SEMA3F: variants seen among roughly 807,000 people sequenced by gnomAD.
SEMA3F encodes semaphorin 3F.
SEMA3F carries 30 observed loss-of-function variants against 98.5 expected under a neutral mutation model. That is an observed-to-expected ratio of 0.30 (90% CI 0.23 to 0.41). The LOEUF (loss-of-function observed/expected upper bound fraction) is 0.41, where lower values mean the gene tolerates loss of function less well. Among genes scored for constraint, SEMA3F ranks in the 10% least tolerant of loss-of-function variants. SEMA3F has a pLI of 1.00. For synonymous variants in SEMA3F, 380 were observed against 444.8 expected (o/e 0.85, Z 1.83); for missense variants, 866 against 1,119.3 (o/e 0.77, Z 3.23).
rs534757077 is a variant in SEMA3F, at chr3:50,161,266, C to T, written c.112+1532C>T. ...AGGGGCAAAACAGAGAGGGGTCTTCCGTGTGCTCCTTCTAAGCCTCCCTGG... is the reference window on the plus strand; with the variant it reads ...AGGGGCAAAACAGAGAGGGGTCTTCTGTGTGCTCCTTCTAAGCCTCCCTGG... On this transcript the variant is annotated intron_variant, in intron 2 of 18. Coordinates refer to ENST00000002829, the MANE Select transcript of SEMA3F (RefSeq NM_004186.5). Among the ~76,000 whole-genome samples, 36 of 152,244 alleles carry T rather than the reference C, an allele frequency of 2.4e-4. No homozygotes were observed. In the South Asian group the frequency reaches 5.6e-3, roughly 24 times the overall value.
intron 1 of SEMA3F, among the ~76,000 whole-genome samples, chr3:50,157,189 C>T (rs1253220983): frequency 2.0e-5 from 3 of 151,982 alleles, no homozygotes; most frequent in Non-Finnish European, 4.4e-5. Context: ...CCTGGGCGGT[C>T]TGGATCCGGC....
At chr3:50,185,192 A>T (rs1345000713) in intron 13 of SEMA3F, among the ~76,000 whole-genome samples, 1 of 152,174 alleles carries the variant, frequency 6.6e-6, no homozygotes, top group Non-Finnish European at 1.5e-5. Context: ...ACACAGGAGA[A>T]TGCATGCCCC....
chr3:50,185,121 A>G (rs926062891), intron 13 of SEMA3F, among the ~76,000 whole-genome samples: 3 of 152,140 alleles, frequency 2.0e-5, no homozygotes, highest in African/African-American at 7.2e-5. Flanking sequence ...CAGAGGCCAT[A>G]CACATGCTCG....
intron 2 of SEMA3F, 56 bp downstream of exon 2, chr3:50,159,790 G>A (rs1180772293): frequency 1.5e-5 from 18 of 1,173,586 alleles, no homozygotes; most frequent in Admixed American, 1.2e-4. Context: ...AATAGCGCTC[G>A]GCTCCTCTGC....
At chr3:50,171,214 C>T (rs1191207508) in intron 2 of SEMA3F, among the ~76,000 whole-genome samples, 1 of 152,190 alleles carries the variant, frequency 6.6e-6, no homozygotes, top group African/African-American at 2.4e-5. Context: ...ATCCTCTGCC[C>T]CTAAGCTGGG....
At position 50,182,479 on chromosome 3, in the gene SEMA3F, G is replaced by T. The variant is rs886674585; in HGVS notation, c.763+76G>T. On this transcript the variant is annotated intron_variant, in intron 8 of 18. Transcript: ENST00000002829. The surrounding 1 kb of genome is among the most constrained non-coding windows in gnomAD (Gnocchi z 4.5). ...AAGGAGGTCGTAAAGAAGCACATGT[G>T]GGGGAAGTGGGGACATGTTTAGCCT... The T allele has an allele frequency of 3.0e-5, 48 of 1,597,782 alleles. No individual in the cohort carries two copies. The highest frequency in any genetic ancestry group is 4.0e-5 in the Non-Finnish European group (47 of 1,171,718).
At chr3:50,185,621 G>T (rs746531162) in intron 14 of SEMA3F, 45 bp from the exon 15 acceptor site, 2 of 1,613,868 alleles carry the variant, frequency 1.2e-6, no homozygotes, top group African/African-American at 2.7e-5. Flanking sequence ...GTCAGGGCAG[G>T]GAGGGGGTCC....
intron 12 of SEMA3F, among the ~76,000 whole-genome samples, chr3:50,183,844 C>G (rs971002403): frequency 6.6e-6 from 1 of 152,118 alleles, no homozygotes; most frequent in African/African-American, 2.4e-5. Context: ...GAAGCGTCTT[C>G]CCTGCAGGTG....
rs985746954 is a variant in SEMA3F, at chr3:50,155,786, A to T, written c.-49+222A>T. 1 of 200,124 alleles carries T rather than the reference A, an allele frequency of 5.0e-6. No individual in the cohort carries two copies. The highest frequency in any genetic ancestry group is 1.0e-5 in the Non-Finnish European group (1 of 99,926). 12.4% of individuals were successfully genotyped at this position (200,124 alleles called of 1,614,324 possible). On this transcript the variant is annotated intron_variant, in intron 1 of 18. Coordinates refer to ENST00000002829, the MANE Select transcript of SEMA3F (RefSeq NM_004186.5). This position sits in a 1 kb window ranked among gnomAD's most constrained non-coding sequence, Gnocchi z 4.9. ...TACGGGGCGGCGTATGGATGTGTGGATGATGTGGCCTGCGGGGTCACCCAT... is the reference window on the plus strand; with the variant it reads ...TACGGGGCGGCGTATGGATGTGTGGTTGATGTGGCCTGCGGGGTCACCCAT...
Position 50,182,256 on chromosome 3 carries a change from C to T in SEMA3F, c.644-28C>T. On this transcript the variant is annotated intron_variant, in intron 7 of 18. Transcript: ENST00000002829. The surrounding 1 kb of genome is among the most constrained non-coding windows in gnomAD (Gnocchi z 4.5). Reference sequence around the variant, plus strand: ...CCCTGGCCCTAGCAAACAGCAGCCCCCCAACTGACCCACTGGCCTACCCAC... The same window carrying T: ...CCCTGGCCCTAGCAAACAGCAGCCCTCCAACTGACCCACTGGCCTACCCAC... The T allele has an allele frequency of 6.2e-7, 1 of 1,613,990 alleles. No individual in the cohort carries two copies. The highest frequency in any genetic ancestry group is 8.5e-7 in the Non-Finnish European group (1 of 1,180,012).
intron 2 of SEMA3F, among the ~76,000 whole-genome samples, chr3:50,160,893 A>G (rs1175805363): frequency 1.3e-5 from 2 of 152,114 alleles, no homozygotes; most frequent in African/African-American, 4.8e-5. Context: ...GGCTCCTGGA[A>G]TTTCTGAGGC....
rs144893978 is a variant in SEMA3F at position 50,174,787 on chromosome 3, G to A, written c.457-309G>A. Among the ~76,000 whole-genome samples, 1,150 of 152,264 alleles carry A rather than the reference G, an allele frequency of 7.6e-3. 8 individuals carry two copies. Among genetic ancestry groups the A allele is most frequent in the South Asian group, 0.012 (59 of 4,824 alleles). On this transcript the variant is annotated intron_variant, in intron 5 of 18. Coordinates refer to ENST00000002829, the MANE Select transcript of SEMA3F (RefSeq NM_004186.5). ...CCACCCCCAGGGCCAGGGTTGTGGGGAGCTGCCCCTTCCCCAGCTCTGCCC... is the reference window on the plus strand; with the variant it reads ...CCACCCCCAGGGCCAGGGTTGTGGGAAGCTGCCCCTTCCCCAGCTCTGCCC...
intron 7 of SEMA3F, among the ~76,000 whole-genome samples, chr3:50,180,498 T>C (rs1698976319): frequency 1.3e-5 from 2 of 152,178 alleles, no homozygotes; most frequent in Admixed American, 1.3e-4. Context: ...ATATGACTCT[T>C]CCTTTCACTT....
chr3:50,169,519 C>T (rs1698523657), intron 2 of SEMA3F, among the ~76,000 whole-genome samples: 1 of 152,200 alleles, frequency 6.6e-6, no homozygotes, highest in Non-Finnish European at 1.5e-5. Context: ...AACCTGTGCC[C>T]AGCCTGGGTG....
At chr3:50,169,251 C>G (rs920427496) in intron 2 of SEMA3F, among the ~76,000 whole-genome samples, 12 of 152,262 alleles carry the variant, frequency 7.9e-5, no homozygotes, top group Admixed American at 5.9e-4. Flanking sequence ...CTCACCTGCC[C>G]GCACCTTTAA....
chr3:50,185,224 C>A (rs2109121605), intron 13 of SEMA3F, among the ~76,000 whole-genome samples: 1 of 152,284 alleles, frequency 6.6e-6, no homozygotes, highest in South Asian at 2.1e-4. Context: ...CTCAGCAGGG[C>A]CCAAAATCAG....
At chr3:50,173,665 GA>G in intron 2 of SEMA3F, 127 bp from the exon 3 acceptor site, 1 of 724,484 alleles carries the variant, frequency 1.4e-6, no homozygotes. Context: ...AAGAAAGAAA[GA>G]AAAAAGACCA....
intron 12 of SEMA3F, chr3:50,184,242 C>A: frequency 3.1e-6 from 1 of 325,908 alleles, no homozygotes. Context: ...GGCCTGCAGT[C>A]CAGCTGTGCA....
chr3:50,184,582 C>A lies in SEMA3F; in HGVS notation c.1234-10C>A. 1.9e-6 allele frequency: 3 copies of A among 1,608,862 alleles called. No individual in the cohort carries two copies. Among genetic ancestry groups the A allele is most frequent in the African/African-American group, 2.7e-5 (2 of 74,968 alleles). ...GCAGCCTGGGACTGACACTCGCCAC[C>A]TGTCCACAGTGCCCTGGTGGAACCT... On this transcript the variant is annotated splice_polypyrimidine_tract_variant and intron_variant, in intron 12 of 18. Coordinates refer to ENST00000002829, the MANE Select transcript of SEMA3F (RefSeq NM_004186.5).
Sources: allele counts gnomAD v4.1 joint callset (sites outside exome capture counted in the v4.1 genomes callset), GRCh38; gene constraint gnomAD v4.1.1; non-coding constraint Gnocchi (gnomAD v3.1); transcripts MANE v1.5; gene names NCBI Gene and HGNC (gene_info 2026-07-23, HGNC 2026-07-21).